Variants in TMEM54 observed in about 807,000 individuals in gnomAD.
TMEM54 encodes the protein transmembrane protein 54, also known as beta-casein-like protein.
TMEM54 carries 21 observed loss-of-function variants against 21.3 expected under a neutral mutation model. The ratio of observed to expected loss-of-function variants is 0.99; its 90% CI spans 0.70 to 1.42. TMEM54 has a LOEUF of 1.42. TMEM54 is among the 40% of genes most tolerant of loss of function. TMEM54 has a pLI of 0.00. For missense variants in TMEM54, 246 were observed against 294.0 expected, an observed-to-expected ratio of 0.84 and a Z score of 1.19; for synonymous variants, 109 against 125.0, an observed-to-expected ratio of 0.87 and a Z score of 0.86.
rs573870806 is a variant in TMEM54 at position 32,895,235 on chromosome 1, A to G, written c.594+70T>C. The G allele has an allele frequency of 1.6e-4, 244 of 1,547,756 alleles. 1 individual carries two copies. In the African/African-American group the frequency reaches 3.0e-3, roughly 19 times the overall value. The stretch of plus-strand genomic sequence containing the variant: ...GGGGGCCCATACATAGGGGTGGGGC[A>G]GAGCAGCTTGGGCACCCTGGCAGGG... On this transcript the variant is annotated intron_variant, in intron 5 of 5. Coordinates refer to ENST00000373463, the MANE Select transcript of TMEM54 (RefSeq NM_033504.4). The surrounding 1 kb of genome is among the most constrained non-coding windows in gnomAD (Gnocchi z 5.8).
chr1:32,901,370 C>T lies in TMEM54; in HGVS notation c.-132G>A, dbSNP rs1641726418. ...CACCGTCGCGCTCGCCCACTTCCCGCCCGGAGCCCGGGGCTGGGCGGCGCC... is the reference window on the plus strand; with the variant it reads ...CACCGTCGCGCTCGCCCACTTCCCGTCCGGAGCCCGGGGCTGGGCGGCGCC... On this transcript the variant is annotated 5_prime_UTR_variant, in exon 1 of 6. Transcript: ENST00000373463. The surrounding 1 kb of genome is among the most constrained non-coding windows in gnomAD (Gnocchi z 4.2). 1.1e-6 allele frequency: 1 copy of T among 902,222 alleles called. No individual in the cohort carries two copies. Among genetic ancestry groups the T allele is most frequent in the Admixed American group, 4.9e-5 (1 of 20,286 alleles). 55.9% of individuals were successfully genotyped at this position (902,222 alleles called of 1,614,324 possible).
In TMEM54 at chr1:32,901,124, G is replaced by C; in HGVS notation, c.16+99C>G. The C allele has an allele frequency of 7.9e-7, 1 of 1,273,380 alleles. No homozygotes were observed. Among genetic ancestry groups the C allele is most frequent in the Non-Finnish European group, 1.0e-6 (1 of 979,708 alleles). The allele number at this position is 1,273,380 out of a possible 1,614,324, so 78.9% of individuals were successfully genotyped here. On this transcript the variant is annotated intron_variant, in intron 1 of 5. Coordinates refer to ENST00000373463, the MANE Select transcript of TMEM54 (RefSeq NM_033504.4). The surrounding 1 kb of genome is among the most constrained non-coding windows in gnomAD (Gnocchi z 4.2). ...GTAGTAAGTTAGAGGCAGAGCAGGT[G>C]GCCTGGCCCCCTGGGGGCTCGGGTT...
In TMEM54 at chr1:32,895,870, A is replaced by ACCCTT; in HGVS notation, c.270+35_270+39dup. On this transcript the variant is annotated intron_variant, in intron 3 of 5. Coordinates refer to ENST00000373463, the MANE Select transcript of TMEM54 (RefSeq NM_033504.4). The surrounding 1 kb of genome is among the most constrained non-coding windows in gnomAD (Gnocchi z 5.8). ...CCCTTGGCGGGTGGCTGCTGCCCCT[A>ACCCTT]CCCTTCCCTCACAGCCCCATCCCAG... 1 of 1,600,086 alleles carries ACCCTT rather than the reference A, an allele frequency of 6.2e-7. No homozygotes were observed. Among genetic ancestry groups the ACCCTT allele is most frequent in the Non-Finnish European group, 8.5e-7 (1 of 1,173,542 alleles).
chr1:32,898,465 C>G (rs192028094), intron 1 of TMEM54, 146 bp from the exon 2 acceptor site: 2 of 723,326 alleles, frequency 2.8e-6, no homozygotes, highest in Non-Finnish European at 2.2e-6. Flanking sequence ...CTTCTTTGAG[C>G]CTTGGTCTCC....
At position 32,894,661 on chromosome 1, in the gene TMEM54, G is replaced by T; in HGVS notation, c.*144C>A. 2.9e-6 allele frequency: 3 copies of T among 1,034,748 alleles called. No individual in the cohort carries two copies. The highest frequency in any genetic ancestry group is 3.5e-5 in the South Asian group (2 of 57,562). 64.1% of individuals were successfully genotyped at this position (1,034,748 alleles called of 1,614,324 possible). ...ATTTCAGTGCAGTGGGCTGGGTGGT[G>T]GGGGAGAGGGTTGAAAGCCCCACTT... On this transcript the variant is annotated 3_prime_UTR_variant, in exon 6 of 6. Transcript: ENST00000373463.
rs935161063 is a variant in TMEM54 at position 32,896,997 on chromosome 1, T to C, written c.211-1028A>G. Among the ~76,000 whole-genome samples, 4 of 152,218 alleles carry C rather than the reference T, an allele frequency of 2.6e-5. No individual in the cohort carries two copies. Among genetic ancestry groups the C allele is most frequent in the African/African-American group, 9.6e-5 (4 of 41,456 alleles). On this transcript the variant is annotated intron_variant, in intron 2 of 5. Transcript: ENST00000373463. The surrounding 1 kb of genome is among the most constrained non-coding windows in gnomAD (Gnocchi z 4.1). Reference sequence around the variant, plus strand: ...CTCTTTTGTGAAACAGGTATAATAATGGCCCCCAGTTGCTGGGAGAAGTGA... The same window carrying C: ...CTCTTTTGTGAAACAGGTATAATAACGGCCCCCAGTTGCTGGGAGAAGTGA...
At position 32,895,645 on chromosome 1, in the gene TMEM54, C is replaced by T. The variant is rs201533982; in HGVS notation, c.369G>A (p.Gln123=). The T allele has an allele frequency of 2.1e-4, 334 of 1,565,126 alleles. No homozygotes were observed. The Middle Eastern group carries it at 3.0e-3, about 14-fold the overall frequency. Residue 123 remains glutamine (Q), a synonymous_variant, in exon 4 of 6, where the codon CAG becomes CAA. Coordinates refer to ENST00000373463, the MANE Select transcript of TMEM54 (RefSeq NM_033504.4). This position sits in a 1 kb window ranked among gnomAD's most constrained non-coding sequence, Gnocchi z 5.8. ...LASIAMTFAT[Q]GKALLAACTF... The stretch of plus-strand genomic sequence containing the variant: ...TGCAGGCAGCCAGCAGTGCCTTGCC[C>T]TGGGTGGCAAAGGTCATGGCGATGG...
At position 32,901,208 on chromosome 1, in the gene TMEM54, C is replaced by T. The variant is rs556371282; in HGVS notation, c.16+15G>A. On this transcript the variant is annotated intron_variant, in intron 1 of 5. Transcript: ENST00000373463. This position sits in a 1 kb window ranked among gnomAD's most constrained non-coding sequence, Gnocchi z 4.2. ...GGGGTGGTTCGGGGCCTCCCGCGCG[C>T]CCCCAGTCGCTCACCGAGGCGCAGA... 9.4e-6 allele frequency: 14 copies of T among 1,487,724 alleles called. No individual in the cohort carries two copies. Among genetic ancestry groups the T allele is most frequent in the Non-Finnish European group, 1.2e-5 (13 of 1,105,662 alleles). The allele number at this position is 1,487,724 out of a possible 1,614,324, so 92.2% of individuals were successfully genotyped here. A position where few individuals can be genotyped will look rare whatever the true frequency, so the allele number is the denominator to read the frequency against.
chr1:32,895,246 G>T lies in TMEM54; in HGVS notation c.594+59C>A. On this transcript the variant is annotated intron_variant, in intron 5 of 5. Transcript: ENST00000373463. The surrounding 1 kb of genome is among the most constrained non-coding windows in gnomAD (Gnocchi z 5.8). ...CATAGGGGTGGGGCAGAGCAGCTTGGGCACCCTGGCAGGGGCTCCCAGGAA... is the reference window on the plus strand; with the variant it reads ...CATAGGGGTGGGGCAGAGCAGCTTGTGCACCCTGGCAGGGGCTCCCAGGAA... 1 of 1,562,860 alleles carries T rather than the reference G, an allele frequency of 6.4e-7. No individual in the cohort carries two copies. Among genetic ancestry groups the T allele is most frequent in the Non-Finnish European group, 8.7e-7 (1 of 1,149,666 alleles).
chr1:32,900,407 G>A (rs1178655171), intron 1 of TMEM54, among the ~76,000 whole-genome samples: 2 of 151,744 alleles, frequency 1.3e-5, no homozygotes, highest in Non-Finnish European at 2.9e-5. Flanking sequence ...TAAATTTTTT[G>A]TAGAGACGGA....
Position 32,901,188 on chromosome 1 carries a change from G to A in TMEM54, c.16+35C>T, listed in dbSNP as rs766113245. 8 of 1,481,254 alleles carry A rather than the reference G, an allele frequency of 5.4e-6. No homozygotes were observed. The South Asian group carries it at 6.7e-5, about 12-fold the overall frequency. The allele number at this position is 1,481,254 out of a possible 1,614,324, so 91.8% of individuals were successfully genotyped here. A position where few individuals can be genotyped will look rare whatever the true frequency, so the allele number is the denominator to read the frequency against. On this transcript the variant is annotated intron_variant, in intron 1 of 5. Coordinates refer to ENST00000373463, the MANE Select transcript of TMEM54 (RefSeq NM_033504.4). This position sits in a 1 kb window ranked among gnomAD's most constrained non-coding sequence, Gnocchi z 4.2. ...TCCGCTCCTGTGGGAGGGTTGGGGT[G>A]GTTCGGGGCCTCCCGCGCGCCCCCA...
rs751301949 is a variant in TMEM54 at position 32,897,079 on chromosome 1, G to A, written c.210+1047C>T. Among the ~76,000 whole-genome samples the A allele has an allele frequency of 6.6e-6, 1 of 152,244 alleles. No homozygotes were observed. Among genetic ancestry groups the A allele is most frequent in the South Asian group, 2.1e-4 (1 of 4,828 alleles). ...AGTGGTCCAGCTCAAAGTCCATCCT[G>A]GTGGACCTCCTCGCCCTGAGCTCAC... On this transcript the variant is annotated intron_variant, in intron 2 of 5. Transcript: ENST00000373463. The surrounding 1 kb of genome is among the most constrained non-coding windows in gnomAD (Gnocchi z 4.9).
At chr1:32,900,025 C>T (rs920782472) in intron 1 of TMEM54, among the ~76,000 whole-genome samples, 15 of 152,150 alleles carry the variant, frequency 9.9e-5, no homozygotes, top group African/African-American at 3.6e-4. Flanking sequence ...GACTGCCAGC[C>T]AAGCAGGAAG....
intron 1 of TMEM54, among the ~76,000 whole-genome samples, chr1:32,899,391 GAAAAAAAAAAA>G: frequency 8.1e-6 from 1 of 123,000 alleles, no homozygotes; most frequent in African/African-American, 3.0e-5. Context: ...CTCTGCAGCT[GAAAAAAAAAAA>G]AAAAAAGAAA....
rs754085837 is a variant in TMEM54, at chr1:32,895,684, G to A, written c.330C>T (p.Leu110=). The part of the protein sequence containing the change: ...ACALLSLTCA[L]GLLASIAMTF... Reference sequence around the variant, plus strand: ...TCATGGCGATGGAGGCCAAGAGGCCGAGGGCACAGGTCAGAGAAAGGAGAG... The same window carrying A: ...TCATGGCGATGGAGGCCAAGAGGCCAAGGGCACAGGTCAGAGAAAGGAGAG... The change falls in exon 4 of 6, where the codon CTC becomes CTT. Residue 110 remains leucine, a synonymous_variant. Coordinates refer to ENST00000373463, the MANE Select transcript of TMEM54 (RefSeq NM_033504.4). This position sits in a 1 kb window ranked among gnomAD's most constrained non-coding sequence, Gnocchi z 5.8. 29 of 1,561,284 alleles carry A rather than the reference G, an allele frequency of 1.9e-5. No individual in the cohort carries two copies. The Admixed American group carries it at 3.1e-4, about 17-fold the overall frequency.
chr1:32,898,211 A>C lies in TMEM54; in HGVS notation c.125T>G (p.Val42Gly). 6.2e-7 allele frequency: 1 copy of C among 1,613,672 alleles called. No individual in the cohort carries two copies. Among genetic ancestry groups the C allele is most frequent in the Non-Finnish European group, 8.5e-7 (1 of 1,179,620 alleles). The change falls in exon 2 of 6, where the codon GTG becomes GGG. Residue 42 changes from valine to glycine, a missense_variant. Physicochemically the swap from Val to Gly is moderately radical, Grantham distance 109 (BLOSUM62 -3). Coordinates refer to ENST00000373463, the MANE Select transcript of TMEM54 (RefSeq NM_033504.4). ...TTGAGGGGTGCCCACGTAGCGCAGC[A>C]CTGTGCCATGGAACAGGGCAGCTGT... ...FITAALFHGT[V>G]LRYVGTPQDA...
In TMEM54 at chr1:32,897,733, G is replaced by T; in HGVS notation, c.210+393C>A. 1 of 168,076 alleles carries T rather than the reference G, an allele frequency of 5.9e-6. No individual in the cohort carries two copies. The highest frequency in any genetic ancestry group is 1.3e-5 in the Non-Finnish European group (1 of 78,094). The allele number at this position is 168,076 out of a possible 1,614,324, so 10.4% of individuals were successfully genotyped here. A position where few individuals can be genotyped will look rare whatever the true frequency, so the allele number is the denominator to read the frequency against. On this transcript the variant is annotated intron_variant, in intron 2 of 5. Transcript: ENST00000373463. This position sits in a 1 kb window ranked among gnomAD's most constrained non-coding sequence, Gnocchi z 4.9. ...CTCATCCATCAATACCCAGGTCAGA[G>T]GCCTGCACTCTGTGAAACCCTCCGG... is the stretch of plus-strand genomic sequence containing the variant.
chr1:32,898,409 T>C, intron 1 of TMEM54, 90 bp from the exon 2 acceptor site: 1 of 1,270,208 alleles, frequency 7.9e-7, no homozygotes, highest in Non-Finnish European at 1.1e-6. Context: ...GTGATGGACA[T>C]TGGGTTCTAA....
In TMEM54 at chr1:32,894,786, C is replaced by A; in HGVS notation, c.*19G>T. ...TGCAGGGTCCTAGTGGCCATCGGGC[C>A]TGGGCAGGACATCATCTCTCAGAGG... On this transcript the variant is annotated 3_prime_UTR_variant, in exon 6 of 6. Transcript: ENST00000373463. 1 of 1,605,118 alleles carries A rather than the reference C, an allele frequency of 6.2e-7. No individual in the cohort carries two copies. Among genetic ancestry groups the A allele is most frequent in the Non-Finnish European group, 8.5e-7 (1 of 1,172,662 alleles).
Sources: allele counts gnomAD v4.1 joint callset (sites outside exome capture counted in the v4.1 genomes callset), GRCh38; gene constraint gnomAD v4.1.1; non-coding constraint Gnocchi (gnomAD v3.1); transcripts MANE v1.5; gene names NCBI Gene and HGNC (gene_info 2026-07-23, HGNC 2026-07-21).